ITPK1: variants seen among roughly 807,000 people sequenced by gnomAD.
ITPK1 encodes inositol 1,3,4-trisphosphate 5/6-kinase.
Under a neutral mutation model 45.3 loss-of-function variants are expected in ITPK1, and 21 were observed. That is an observed-to-expected ratio of 0.46 (90% CI 0.33 to 0.67). The LOEUF (loss-of-function observed/expected upper bound fraction) is 0.67, where lower values mean the gene tolerates loss of function less well. Ranked by LOEUF, ITPK1 falls within the 30% of genes least tolerant of loss-of-function variation. The pLI, the probability that ITPK1 is intolerant of heterozygous loss-of-function variation, is 0.02. For missense variants in ITPK1, 474 were observed against 573.5 expected (o/e 0.83, Z 1.77); for synonymous variants, 258 against 253.6 (o/e 1.02, Z -0.16).
intron 8 of ITPK1, among the ~76,000 whole-genome samples, chr14:92,953,346 A>C (rs1888049733): frequency 1.3e-5 from 2 of 152,228 alleles, no homozygotes; most frequent in Non-Finnish European, 2.9e-5. Context: ...GACGGGGGCC[A>C]TGAAATATGG....
chr14:93,074,905 A>G (rs891591859), intron 3 of ITPK1, among the ~76,000 whole-genome samples: 29 of 152,090 alleles, frequency 1.9e-4, no homozygotes, highest in African/African-American at 4.8e-5. Context: ...CCACCCACTC[A>G]CAGATTTAGG....
At chr14:92,967,679 T>C (rs1885447997) in intron 5 of ITPK1, among the ~76,000 whole-genome samples, 1 of 152,108 alleles carries the variant, frequency 6.6e-6, no homozygotes. Flanking sequence ...GCAGAAGGAA[T>C]AAACAAAATG....
intron 9 of ITPK1, among the ~76,000 whole-genome samples, chr14:92,948,633 A>G (rs1172874496): frequency 6.6e-6 from 1 of 151,198 alleles, no homozygotes; most frequent in African/African-American, 2.4e-5. Context: ...CCGCTGTGCC[A>G]GGTGCACCTG....
intron 2 of ITPK1, among the ~76,000 whole-genome samples, chr14:93,090,424 C>T (rs1891821495): frequency 1.3e-5 from 2 of 152,182 alleles, no homozygotes; most frequent in African/African-American, 4.8e-5. Context: ...AGGGCCAGCA[C>T]ATGGTATATT....
chr14:92,982,643 C>A (rs77040206), intron 5 of ITPK1, among the ~76,000 whole-genome samples: 6 of 152,214 alleles, frequency 3.9e-5, no homozygotes, highest in Non-Finnish European at 8.8e-5. Flanking sequence ...ACCATGCGGG[C>A]TTCTGACCCA....
At chr14:93,004,027 A>C (rs938746127) in intron 4 of ITPK1, among the ~76,000 whole-genome samples, 1 of 152,260 alleles carries the variant, frequency 6.6e-6, no homozygotes, top group African/African-American at 2.4e-5. Flanking sequence ...CAGAGCTGTT[A>C]GGCCCCTGAA....
intron 4 of ITPK1, among the ~76,000 whole-genome samples, chr14:93,008,430 C>T (rs1887726552): frequency 6.6e-6 from 1 of 152,244 alleles, no homozygotes; most frequent in Non-Finnish European, 1.5e-5. Context: ...CTAAGACTTG[C>T]TGAATGAACA....
intron 8 of ITPK1, among the ~76,000 whole-genome samples, chr14:92,952,317 T>C (rs757291047): frequency 3.2e-4 from 49 of 152,118 alleles, no homozygotes; most frequent in Non-Finnish European, 4.3e-4. Context: ...GCTGTCACTA[T>C]ACAGGGAAGT....
intron 2 of ITPK1, among the ~76,000 whole-genome samples, chr14:93,077,316 T>C (rs1891266004): frequency 6.6e-6 from 1 of 152,154 alleles, no homozygotes; most frequent in African/African-American, 2.4e-5. Context: ...CTTCTCTTCC[T>C]GACCCATTTC....
At chr14:93,101,201 G>A (rs1047299774) in intron 2 of ITPK1, among the ~76,000 whole-genome samples, 5 of 152,180 alleles carry the variant, frequency 3.3e-5, no homozygotes, top group Non-Finnish European at 7.3e-5. Context: ...TCTGGGCTGC[G>A]AAGCTGTCAG....
Position 93,014,063 on chromosome 14 carries a change from G to A in ITPK1, c.246+2613C>T, listed in dbSNP as rs1888054218. On this transcript the variant is annotated intron_variant, in intron 4 of 10. Coordinates refer to ENST00000267615, the MANE Select transcript of ITPK1 (RefSeq NM_014216.6). This position sits in a 1 kb window ranked among gnomAD's most constrained non-coding sequence, Gnocchi z 4.4. ...CCAAAGGATTGTTCTCCTCACAAAG[G>A]AGGAAACTTCCCACCTTATCAGATA... 6.6e-6 allele frequency among the ~76,000 whole-genome samples: 1 copy of A among 152,192 alleles called. No individual in the cohort carries two copies. Among genetic ancestry groups the A allele is most frequent in the African/African-American group, 2.4e-5 (1 of 41,430 alleles).
chr14:93,103,889 G>GC (rs1400717437), intron 2 of ITPK1, among the ~76,000 whole-genome samples: 2 of 152,126 alleles, frequency 1.3e-5, no homozygotes, highest in Admixed American at 1.3e-4. Context: ...ACCATGCCCC[G>GC]CCCTGCCCAG....
intron 3 of ITPK1, among the ~76,000 whole-genome samples, chr14:93,035,741 G>A (rs995685325): frequency 2.0e-5 from 3 of 152,214 alleles, no homozygotes; most frequent in African/African-American, 7.2e-5. Context: ...CGACAGCACC[G>A]TGAACAGCTG....
At chr14:93,011,589 G>A (rs1183832333) in intron 4 of ITPK1, among the ~76,000 whole-genome samples, 1 of 152,218 alleles carries the variant, frequency 6.6e-6, no homozygotes, top group Admixed American at 6.5e-5. Context: ...GGAGGTGAGT[G>A]CAACTTTGTC....
intron 3 of ITPK1, chr14:93,067,335 C>A (rs894055346): frequency 1.3e-5 from 2 of 152,120 alleles, no homozygotes. Context: ...AGCCTGCCTG[C>A]AAGAAGGCAC....
intron 4 of ITPK1, among the ~76,000 whole-genome samples, chr14:93,005,023 A>C (rs1261064307): frequency 1.3e-5 from 2 of 152,180 alleles, no homozygotes; most frequent in East Asian, 3.9e-4. Flanking sequence ...GAGACGGACC[A>C]GCTGAGGAGT....
At chr14:93,061,460 A>G (rs573910240) in intron 3 of ITPK1, among the ~76,000 whole-genome samples, 16 of 152,278 alleles carry the variant, frequency 1.1e-4, no homozygotes, top group Non-Finnish European at 4.4e-5. Flanking sequence ...GCTAGGCTAC[A>G]GCCCCCAGCC....
chr14:93,096,040 G>C (rs1892066623), intron 2 of ITPK1, among the ~76,000 whole-genome samples: 1 of 152,156 alleles, frequency 6.6e-6, no homozygotes. Flanking sequence ...GCTGGGGCCT[G>C]GAAAGCGCTG....
intron 2 of ITPK1, among the ~76,000 whole-genome samples, chr14:93,081,472 T>C (rs1454422174): frequency 6.6e-6 from 1 of 152,218 alleles, no homozygotes; most frequent in African/African-American, 2.4e-5. Context: ...AGTATAAACA[T>C]GCTTTTCCAA....
Sources: allele counts gnomAD v4.1 joint callset (sites outside exome capture counted in the v4.1 genomes callset), GRCh38; gene constraint gnomAD v4.1.1; non-coding constraint Gnocchi (gnomAD v3.1); transcripts MANE v1.5; gene names NCBI Gene and HGNC (gene_info 2026-07-23, HGNC 2026-07-21).